ABCA2: variants seen among roughly 807,000 people sequenced by gnomAD.
The protein encoded by ABCA2 is ATP binding cassette subfamily A member 2.
ABCA2 carries 84 observed loss-of-function variants against 262.8 expected under a neutral mutation model. The observed-to-expected ratio is 0.32, with a 90% CI of 0.27 to 0.38. The LOEUF (loss-of-function observed/expected upper bound fraction) is 0.38, where lower values mean the gene tolerates loss of function less well. Among genes scored for constraint, ABCA2 ranks in the 10% least tolerant of loss-of-function variants. The pLI, the probability that ABCA2 is intolerant of heterozygous loss-of-function variation, is 1.00. For synonymous variants in ABCA2, 1,696 were observed against 1,502.9 expected, an observed-to-expected ratio of 1.13 and a Z score of -2.97; for missense variants, 2,662 against 3,405.9, an observed-to-expected ratio of 0.78 and a Z score of 5.44.
Position 137,007,740 on chromosome 9 carries a change from A to T in ABCA2, c.*189T>A. 1.3e-6 allele frequency: 1 copy of T among 758,650 alleles called. No individual in the cohort carries two copies. The highest frequency in any genetic ancestry group is 2.2e-6 in the Non-Finnish European group (1 of 464,222). The allele number at this position is 758,650 out of a possible 1,614,324, so 47.0% of individuals were successfully genotyped here. ...GGCCGGGTCAGCCTTTGGCACAATT[A>T]GGGGCGGCAACCGCAGTGACCACAG... On this transcript the variant is annotated 3_prime_UTR_variant, in exon 49 of 49. Coordinates refer to ENST00000341511, the MANE Select transcript of ABCA2 (RefSeq NM_001606.5).
At position 137,016,294 on chromosome 9, in the gene ABCA2, G is replaced by A; in HGVS notation, c.3101C>T (p.Thr1034Ile). The A allele has an allele frequency of 6.2e-7, 1 of 1,612,692 alleles. No homozygotes were observed. The highest frequency in any genetic ancestry group is 8.5e-7 in the Non-Finnish European group (1 of 1,179,914). The change falls in exon 21 of 49, where the codon ACC (threonine) becomes ATC (isoleucine). Residue 1034 changes from threonine (T) to isoleucine (I), a missense_variant. Thr to Ile is a moderately conservative substitution (Grantham distance 89). This residue lies in a region of ABCA2 where 180 missense variants were observed against 307.3 expected (regional missense o/e 0.59). Transcript: ENST00000341511. ...LGHNGAGKTT[T>I]MSILTGLFPP... ...GCCCTGCCCCTCCGACACTCACATGGTGGTGGTCTTGCCCGCCCCGTTGTG... is the reference window on the plus strand; with the variant it reads ...GCCCTGCCCCTCCGACACTCACATGATGGTGGTCTTGCCCGCCCCGTTGTG...
At chr9:137,026,143 A>T (rs1831646183) in intron 1 of ABCA2, among the ~76,000 whole-genome samples, 1 of 152,220 alleles carries the variant, frequency 6.6e-6, no homozygotes, top group African/African-American at 2.4e-5. Context: ...AGCAGCCTGT[A>T]GCCCAAGGGT....
At position 137,019,450 on chromosome 9, in the gene ABCA2, A is replaced by C; in HGVS notation, c.1426-144T>G. ...TTTTTTTTTTTTTTTTTCCTGAGAC[A>C]GGGTCTCAGTCACCCACGCTGGAGT... On this transcript the variant is annotated intron_variant, in intron 10 of 48. Coordinates refer to ENST00000341511, the MANE Select transcript of ABCA2 (RefSeq NM_001606.5). This position sits in a 1 kb window ranked among gnomAD's most constrained non-coding sequence, Gnocchi z 4.4. The C allele has an allele frequency of 1.0e-6, 1 of 964,312 alleles. No homozygotes were observed. The highest frequency in any genetic ancestry group is 1.7e-5 in the South Asian group (1 of 57,608). 59.7% of individuals were successfully genotyped at this position (964,312 alleles called of 1,614,324 possible). A position where few individuals can be genotyped will look rare whatever the true frequency, so the allele number is the denominator to read the frequency against.
chr9:137,020,145 A>G, intron 10 of ABCA2, 191 bp downstream of exon 10: 1 of 696,450 alleles, frequency 1.4e-6, no homozygotes, highest in Non-Finnish European at 2.3e-6. Context: ...TTCCCACAGC[A>G]GCCCCTGGAG....
intron 1 of ABCA2, among the ~76,000 whole-genome samples, chr9:137,025,278 C>G (rs1008265346): frequency 4.6e-5 from 7 of 152,228 alleles, no homozygotes; most frequent in African/African-American, 1.7e-4. Context: ...GTGTCCCAGC[C>G]CCCAGCTCAG....
chr9:137,013,358 C>T lies in ABCA2; in HGVS notation c.4551-40G>A, dbSNP rs562456503. On this transcript the variant is annotated intron_variant, in intron 29 of 48. Transcript: ENST00000341511. ...AGTGTGAGGTGGGGCTGCCAGTCTC[C>T]GCCCCTCGCCAGCCCCGCCCCCTCG... The T allele has an allele frequency of 3.4e-5, 52 of 1,526,914 alleles. No individual in the cohort carries two copies. The African/African-American group carries it at 3.9e-4, about 12-fold the overall frequency. 94.6% of individuals were successfully genotyped at this position (1,526,914 alleles called of 1,614,324 possible).
At chr9:137,012,438 CG>C in intron 32 of ABCA2, 46 bp downstream of exon 32, 1 of 1,608,856 alleles carries the variant, frequency 6.2e-7, no homozygotes, top group Non-Finnish European at 8.5e-7. Flanking sequence ...CTGCAGACCT[CG>C]GGCGGCGCTA....
At position 137,015,786 on chromosome 9, in the gene ABCA2, C is replaced by T; in HGVS notation, c.3403G>A (p.Ala1135Thr). 6.2e-7 allele frequency: 1 copy of T among 1,612,432 alleles called. No individual in the cohort carries two copies. Among genetic ancestry groups the T allele is most frequent in the African/African-American group, 1.3e-5 (1 of 75,060 alleles). The change falls in exon 23 of 49, where the codon GCC (alanine) becomes ACC (threonine). Residue 1135 changes from alanine to threonine, a missense_variant. By Grantham distance (58) the Ala-to-Thr change is moderately conservative. Transcript: ENST00000341511. ...SGGMKRKLSV[A>T]IAFVGGSRAI... The stretch of plus-strand genomic sequence containing the variant: ...CGAGAGCCGCCCACGAAGGCGATGG[C>T]CACGGACAGCTTGCGCTTCATGCCA...
chr9:137,024,031 C>T, intron 2 of ABCA2, 112 bp downstream of exon 2: 1 of 1,514,958 alleles, frequency 6.6e-7, no homozygotes, highest in Non-Finnish European at 8.9e-7. Context: ...GCAGGCACCG[C>T]ACCTCAGGGA....
rs953464622 is a variant in ABCA2 at position 137,016,043 on chromosome 9, C to T, written c.3236G>A (p.Arg1079Gln). Reference protein sequence around the residue: ...MCPQHNVLFDRLTVEEHLWFY... With the variant: ...MCPQHNVLFDQLTVEEHLWFY... ...CCAGAGGTGTTCCTCCACCGTGAGC[C>T]GGTCAAAGAGCACATTGTGCTGCGG... Residue 1079 changes from arginine to glutamine, a missense_variant, in exon 22 of 49, where the codon CGG (arginine) becomes CAG (glutamine). By Grantham distance (43) the Arg-to-Gln change is conservative. Around this residue, in one of 12 missense-constraint regions of ABCA2, gnomAD observed 180 missense variants for 307.3 expected, o/e 0.59. Transcript: ENST00000341511. 1.8e-5 allele frequency: 29 copies of T among 1,612,492 alleles called. No individual in the cohort carries two copies. Among genetic ancestry groups the T allele is most frequent in the African/African-American group, 5.3e-5 (4 of 74,880 alleles).
chr9:137,015,311 C>T, intron 24 of ABCA2, 103 bp downstream of exon 24: 2 of 1,384,268 alleles, frequency 1.4e-6, no homozygotes, highest in Non-Finnish European at 1.9e-6. Flanking sequence ...ATCCTGGGCC[C>T]AGCGGGTGAC....
chr9:137,028,813 A>G (rs4880189), upstream of ABCA2: 944,154 of 1,295,756 alleles, frequency 0.73, 344,591 homozygotes, highest in African/African-American at 0.84. This position sits in a 1 kb window ranked among gnomAD's most constrained non-coding sequence, Gnocchi z 6.9. Context: ...GCTCGCCGTG[A>G]GCGGAGCAGG....
At chr9:137,022,122 TG>T (rs1588526679) in intron 6 of ABCA2, 121 bp from the exon 7 acceptor site, 14 of 120,884 alleles carry the variant, frequency 1.2e-4, no homozygotes, top group East Asian at 3.2e-4. Context: ...GCTCAGAGAG[TG>T]GGGGCGTGGC....
At chr9:137,022,657 C>T (rs1168342857) in intron 5 of ABCA2, 45 bp downstream of exon 5, 4 of 1,584,018 alleles carry the variant, frequency 2.5e-6, no homozygotes, top group Non-Finnish European at 3.4e-6. Context: ...GACAGCAGAG[C>T]TTTGCCCGCA....
In ABCA2 at chr9:137,015,710, C is replaced by T. The variant is rs377033370; in HGVS notation, c.3479G>A (p.Arg1160His). Reference sequence around the variant, plus strand: ...CTTCAGGATGAGGTCCCAGATGGCGCGGCGCGCGTAGGGGTCCACGCCCGC... The same window carrying T: ...CTTCAGGATGAGGTCCCAGATGGCGTGGCGCGCGTAGGGGTCCACGCCCGC... ...PTAGVDPYAR[R>H]AIWDLILKYK... Residue 1160 changes from arginine (R) to histidine (H), a missense_variant, in exon 23 of 49, where the codon CGC (arginine) becomes CAC (histidine). Coordinates refer to ENST00000341511, the MANE Select transcript of ABCA2 (RefSeq NM_001606.5). 30 of 1,610,376 alleles carry T rather than the reference C, an allele frequency of 1.9e-5. No homozygotes were observed. The highest frequency in any genetic ancestry group is 2.0e-5 in the Non-Finnish European group (24 of 1,179,100).
At chr9:137,024,538 T>C (rs1831585998) in intron 1 of ABCA2, among the ~76,000 whole-genome samples, 1 of 152,158 alleles carries the variant, frequency 6.6e-6, no homozygotes, top group African/African-American at 2.4e-5. Flanking sequence ...CTCTGACCCA[T>C]GTATATCCCA....
chr9:137,021,169 T>A lies in ABCA2; in HGVS notation c.898-108A>T. The A allele has an allele frequency of 7.1e-7, 1 of 1,413,554 alleles. No homozygotes were observed. Among genetic ancestry groups the A allele is most frequent in the Non-Finnish European group, 9.3e-7 (1 of 1,078,972 alleles). 87.6% of individuals were successfully genotyped at this position (1,413,554 alleles called of 1,614,324 possible). On this transcript the variant is annotated intron_variant, in intron 8 of 48. Transcript: ENST00000341511. This position sits in a 1 kb window ranked among gnomAD's most constrained non-coding sequence, Gnocchi z 6.0. ...GCAGCAGGGAGACACAAGCTAGGGG[T>A]GCTGGGAGGGAGTCTGCAGCCTGGG...
Position 137,021,415 on chromosome 9 carries a change from C to T in ABCA2, c.874G>A (p.Asp292Asn). Residue 292 changes from aspartate (D) to asparagine (N), a missense_variant, in exon 8 of 49, where the codon GAC becomes AAC. Around this residue, in one of 12 missense-constraint regions of ABCA2, gnomAD observed 403 missense variants for 375.9 expected, o/e 1.07. Coordinates refer to ENST00000341511, the MANE Select transcript of ABCA2 (RefSeq NM_001606.5). The surrounding 1 kb of genome is among the most constrained non-coding windows in gnomAD (Gnocchi z 6.0). ...ACCTGCTGGGAGACCTTGGCCACGT[C>T]CAGCTGGTTCCGGAGCTCAGCAGAC... ...GLSAELRNQL[D>N]VAKVSQQLGL... 6.2e-7 allele frequency: 1 copy of T among 1,609,648 alleles called. No individual in the cohort carries two copies. Among genetic ancestry groups the T allele is most frequent in the Non-Finnish European group, 8.5e-7 (1 of 1,179,812 alleles).
chr9:137,019,240 C>T lies in ABCA2; in HGVS notation c.1492G>A (p.Ala498Thr). 6.2e-7 allele frequency: 1 copy of T among 1,612,690 alleles called. No individual in the cohort carries two copies. The highest frequency in any genetic ancestry group is 1.3e-5 in the African/African-American group (1 of 75,030). ...TGCTCCAGGAAGCTGCGGATCTCCG[C>T]CGAGATGTTGAGCCAGACCTGGGCA... ...HYAQVWLNIS[A>T]EIRSFLEQGR... The change falls in exon 11 of 49, where the codon GCG (alanine) becomes ACG (threonine). Residue 498 changes from alanine to threonine, a missense_variant. By Grantham distance (58) the Ala-to-Thr change is moderately conservative. Coordinates refer to ENST00000341511, the MANE Select transcript of ABCA2 (RefSeq NM_001606.5). This position sits in a 1 kb window ranked among gnomAD's most constrained non-coding sequence, Gnocchi z 4.4.
Sources: gnomAD v4.1 joint callset for allele counts (sites outside exome capture counted in the v4.1 genomes callset) on GRCh38, gnomAD v4.1.1 for gene constraint, gnomAD v4.1.1 regional missense constraint, Gnocchi (gnomAD v3.1) non-coding constraint, MANE v1.5 for transcripts, NCBI Gene and HGNC (gene_info 2026-07-23, HGNC 2026-07-21) for gene names.